Variants in PGM2 observed in about 807,000 individuals in gnomAD.
PGM2 encodes the protein phosphopentomutase.
Under a neutral mutation model 74.6 loss-of-function variants are expected in PGM2, and 57 were observed. The ratio of observed to expected loss-of-function variants is 0.76; its 90% CI spans 0.62 to 0.95. The LOEUF (loss-of-function observed/expected upper bound fraction) is 0.95. Ranked by LOEUF, PGM2 falls within the 40% of genes least tolerant of loss-of-function variation. The probability of loss-of-function intolerance (pLI) is 0.00; values close to 1 mark genes in which losing one functional copy is unlikely to be tolerated. For missense variants in PGM2, 706 were observed against 741.9 expected (o/e 0.95, Z 0.56); for synonymous variants, 273 against 260.7 (o/e 1.05, Z -0.46).
chr4:37,837,082 C>T (rs1009403298), intron 3 of PGM2, among the ~76,000 whole-genome samples: 2 of 152,162 alleles, frequency 1.3e-5, no homozygotes, highest in Admixed American at 6.5e-5. Context: ...TGTTCAGCAG[C>T]ACCCCTGACC....
intron 3 of PGM2, among the ~76,000 whole-genome samples, chr4:37,836,090 A>G (rs1278643144): frequency 6.6e-6 from 1 of 152,194 alleles, no homozygotes; most frequent in Non-Finnish European, 1.5e-5. Flanking sequence ...AGCTGCGTAA[A>G]TTTCTTCATT....
intron 13 of PGM2, among the ~76,000 whole-genome samples, chr4:37,859,291 G>A (rs1711676564): frequency 6.6e-6 from 1 of 152,144 alleles, no homozygotes; most frequent in Non-Finnish European, 1.5e-5. Flanking sequence ...AAGGCAAATA[G>A]ATAATAATGG....
At chr4:37,861,359 C>T (rs1711765356) in intron 13 of PGM2, 151 bp from the exon 14 acceptor site, 2 of 561,378 alleles carry the variant, frequency 3.6e-6, no homozygotes, top group South Asian at 2.8e-5. Context: ...AGATGTGTTC[C>T]ATGCTTAAGT....
At chr4:37,837,280 G>A (rs995516387) in intron 3 of PGM2, among the ~76,000 whole-genome samples, 2 of 152,164 alleles carry the variant, frequency 1.3e-5, no homozygotes, top group East Asian at 1.9e-4. Flanking sequence ...TGTTAGAACC[G>A]GGGAAAGGGG....
At chr4:37,845,592 T>G in intron 7 of PGM2, 41 bp from the exon 8 acceptor site, 2 of 1,335,184 alleles carry the variant, frequency 1.5e-6, no homozygotes, top group Non-Finnish European at 2.2e-6. Flanking sequence ...ATATGCTCGA[T>G]TCTTGATTAA....
chr4:37,851,979 T>TTTTTTTTTTTTTGGG (rs1560420074), intron 12 of PGM2, among the ~76,000 whole-genome samples: 1 of 149,550 alleles, frequency 6.7e-6, no homozygotes, highest in African/African-American at 2.4e-5. Flanking sequence ...TCTTTTTTTT[T>TTTTTTTTTTTTTGGG]GGAGACAGGG....
chr4:37,857,268 C>T (rs1457827445), intron 13 of PGM2, among the ~76,000 whole-genome samples: 1 of 152,138 alleles, frequency 6.6e-6, no homozygotes, highest in East Asian at 1.9e-4. Context: ...AAACAGCACC[C>T]ATCTAGGTAA....
At position 37,848,542 on chromosome 4, in the gene PGM2, G is replaced by A. The variant is rs1725940994; in HGVS notation, c.1303G>A (p.Val435Ile). Residue 435 changes from valine to isoleucine, a missense_variant, in exon 11 of 14, where the codon GTT becomes ATT. This residue lies in a region of PGM2 where 359 missense variants were observed against 371.1 expected (regional missense o/e 0.97). Transcript: ENST00000381967. ...EAIGYMCCPF[V>I]LDKDGVSAAV... is the part of the protein sequence containing the mutation. ...TGCAGGATACATGTGCTGCCCTTTTGTTCTGGACAAAGATGGAGTCAGTGC... is the reference window on the plus strand; with the variant it reads ...TGCAGGATACATGTGCTGCCCTTTTATTCTGGACAAAGATGGAGTCAGTGC... The A allele has an allele frequency of 6.2e-7, 1 of 1,613,544 alleles. No individual in the cohort carries two copies. The highest frequency in any genetic ancestry group is 8.5e-7 in the Non-Finnish European group (1 of 1,179,692).
intron 6 of PGM2, 114 bp downstream of exon 6, chr4:37,840,373 G>GATTTT (rs948920240): frequency 1.4e-5 from 9 of 643,676 alleles, no homozygotes; most frequent in Admixed American, 1.1e-4. Flanking sequence ...AGCTGCATCT[G>GATTTT]ATTTTATTTT....
chr4:37,859,639 A>G (rs1344006395), intron 13 of PGM2, among the ~76,000 whole-genome samples: 1 of 152,178 alleles, frequency 6.6e-6, no homozygotes, highest in Non-Finnish European at 1.5e-5. Flanking sequence ...GCATCACAAC[A>G]TTAGTGTTTG....
chr4:37,826,960 G>A (rs534126732), intron 1 of PGM2, 147 bp downstream of exon 1: 45 of 576,630 alleles, frequency 7.8e-5, no homozygotes, highest in Non-Finnish European at 1.2e-4. Flanking sequence ...GCGTACGGCC[G>A]CTGCTAGGCT....
At position 37,855,692 on chromosome 4, in the gene PGM2, G is replaced by C; in HGVS notation, c.1687G>C (p.Glu563Gln). ...GVATMRTSGT[E>Q]PKIKYYAELC... ...GGCCACCATGCGCACCAGTGGGACA[G>C]AGCCCAAAATCAAGTACTATGCAGA... Residue 563 changes from glutamate (E) to glutamine (Q), a missense_variant, in exon 13 of 14, where the codon GAG (glutamate) becomes CAG (glutamine). Physicochemically the swap from Glu to Gln is conservative, Grantham distance 29. Around this residue, in one of 3 missense-constraint regions of PGM2, gnomAD observed 359 missense variants for 371.1 expected, o/e 0.97. Coordinates refer to ENST00000381967, the MANE Select transcript of PGM2 (RefSeq NM_018290.4). 6.2e-7 allele frequency: 1 copy of C among 1,614,138 alleles called. No individual in the cohort carries two copies. Among genetic ancestry groups the C allele is most frequent in the Non-Finnish European group, 8.5e-7 (1 of 1,180,002 alleles).
rs550376057 is a variant in PGM2 at position 37,826,693 on chromosome 4, A to T, written c.-40A>T. 2.0e-6 allele frequency: 3 copies of T among 1,501,230 alleles called. No individual in the cohort carries two copies. In the African/African-American group the frequency reaches 4.2e-5, roughly 21 times the overall value. The allele number at this position is 1,501,230 out of a possible 1,614,324, so 93.0% of individuals were successfully genotyped here. A position where few individuals can be genotyped will look rare whatever the true frequency, so the allele number is the denominator to read the frequency against. ...GGGGCCGGGCCGGAAGGCAGATCTC[A>T]CCGCCTGCTTCCCTCTGCAGCGGTA... On this transcript the variant is annotated 5_prime_UTR_variant, in exon 1 of 14. Transcript: ENST00000381967.
intron 2 of PGM2, among the ~76,000 whole-genome samples, chr4:37,833,957 C>T (rs1437996266): frequency 1.3e-5 from 2 of 152,154 alleles, no homozygotes; most frequent in African/African-American, 4.8e-5. Context: ...CTCTCACCAG[C>T]CCTGGATACA....
chr4:37,859,780 T>C (rs1711701992), intron 13 of PGM2, among the ~76,000 whole-genome samples: 1 of 152,212 alleles, frequency 6.6e-6, no homozygotes, highest in African/African-American at 2.4e-5. Flanking sequence ...TTAGCTTAAA[T>C]GTTTTTTCAT....
chr4:37,848,466 C>CA, intron 10 of PGM2, 56 bp from the exon 11 acceptor site: 1 of 1,476,740 alleles, frequency 6.8e-7, no homozygotes, highest in East Asian at 2.3e-5. Context: ...GATTCATACT[C>CA]ATATGTGGTT....
At chr4:37,850,599 G>T (rs1269789420) in intron 12 of PGM2, among the ~76,000 whole-genome samples, 1 of 152,022 alleles carries the variant, frequency 6.6e-6, no homozygotes, top group East Asian at 1.9e-4. Flanking sequence ...TCAGGAGTTC[G>T]AGACCAGCCT....
In PGM2 at chr4:37,855,604, C is replaced by T; in HGVS notation, c.1603-4C>T. 1 of 1,612,496 alleles carries T rather than the reference C, an allele frequency of 6.2e-7. No individual in the cohort carries two copies. The highest frequency in any genetic ancestry group is 8.5e-7 in the Non-Finnish European group (1 of 1,179,338). ...AAATTTATAATGTGTGCATTAATTC[C>T]TAGGTTCTTCCCACTAGTAAAAGCA... On this transcript the variant is annotated splice_polypyrimidine_tract_variant and splice_region_variant and intron_variant, in intron 12 of 13. Transcript: ENST00000381967.
rs759412216 is a variant in PGM2 at position 37,840,269 on chromosome 4, T to A, written c.719+10T>A. On this transcript the variant is annotated intron_variant, in intron 6 of 13. Coordinates refer to ENST00000381967, the MANE Select transcript of PGM2 (RefSeq NM_018290.4). ...AGTACTGTTTCCACAGGTAAATGAA[T>A]TGTGTCTTCACTGACCTTAAGTGAG... The A allele has an allele frequency of 1.3e-6, 2 of 1,545,706 alleles. No homozygotes were observed. The highest frequency in any genetic ancestry group is 1.7e-5 in the Admixed American group (1 of 59,574).
Sources: gnomAD v4.1 joint callset for allele counts (sites outside exome capture counted in the v4.1 genomes callset) on GRCh38, gnomAD v4.1.1 for gene constraint, gnomAD v4.1.1 regional missense constraint, MANE v1.5 for transcripts, NCBI Gene and HGNC (gene_info 2026-07-23, HGNC 2026-07-21) for gene names.